The following DPYS variants were observed in gnomAD, a reference collection of about 807,000 sequenced individuals.
DPYS encodes the protein dihydropyrimidinase.
Under a neutral mutation model 50.3 loss-of-function variants are expected in DPYS, and 39 were observed. The observed-to-expected ratio is 0.78, with a 90% CI of 0.60 to 1.01. DPYS has a LOEUF of 1.01. DPYS is among the 50% of genes least tolerant of loss of function. The pLI, the probability that DPYS is intolerant of heterozygous loss-of-function variation, is 0.00. For missense variants in DPYS, 659 were observed against 680.9 expected (o/e 0.97, Z 0.36); for synonymous variants, 245 against 250.7 (o/e 0.98, Z 0.22).
intron 6 of DPYS, 54 bp from the exon 7 acceptor site, chr8:104,424,443 A>T: frequency 1.3e-6 from 2 of 1,577,210 alleles, no homozygotes; most frequent in Non-Finnish European, 1.7e-6. Context: ...AAAGTATCCT[A>T]TCGATAAAAT....
intron 3 of DPYS, among the ~76,000 whole-genome samples, chr8:104,445,699 A>T (rs1045717025): frequency 6.6e-6 from 1 of 152,174 alleles, no homozygotes; most frequent in Non-Finnish European, 1.5e-5. Context: ...AAAAAAAGAA[A>T]GAATGAATAA....
intron 8 of DPYS, among the ~76,000 whole-genome samples, chr8:104,388,723 T>C (rs1231624054): frequency 2.0e-5 from 3 of 152,214 alleles, no homozygotes; most frequent in Non-Finnish European, 4.4e-5. Context: ...GGATCAGCTG[T>C]CTACATTTTA....
At chr8:104,405,030 A>G (rs189293202) in intron 7 of DPYS, among the ~76,000 whole-genome samples, 3 of 152,320 alleles carry the variant, frequency 2.0e-5, no homozygotes. Context: ...GCCACAAATA[A>G]GAAAAAAAAA....
intron 1 of DPYS, 42 bp downstream of exon 1, chr8:104,466,615 C>T: frequency 2.0e-6 from 3 of 1,489,374 alleles, no homozygotes; most frequent in East Asian, 2.7e-5. Flanking sequence ...CTGCCCGAGC[C>T]TCCGTGGGTA....
intron 1 of DPYS, among the ~76,000 whole-genome samples, chr8:104,463,009 A>ACAACAGAC: frequency 6.6e-6 from 1 of 152,236 alleles, no homozygotes; most frequent in South Asian, 2.1e-4. Context: ...TAGTTAATGT[A>ACAACAGAC]TATTCATTTT....
At chr8:104,463,093 G>C (rs890075502) in intron 1 of DPYS, among the ~76,000 whole-genome samples, 1 of 152,110 alleles carries the variant, frequency 6.6e-6, no homozygotes, top group South Asian at 2.1e-4. Flanking sequence ...GTATTTGTCA[G>C]GTATTATAAA....
chr8:104,383,098 C>A (rs1278024132), intron 8 of DPYS, among the ~76,000 whole-genome samples: 2 of 152,322 alleles, frequency 1.3e-5, no homozygotes, highest in East Asian at 3.9e-4. Context: ...ACAGGGCTTG[C>A]TCTACAGCCT....
chr8:104,449,161 G>A (rs1450740578), intron 2 of DPYS, among the ~76,000 whole-genome samples: 1 of 152,190 alleles, frequency 6.6e-6, no homozygotes, highest in Non-Finnish European at 1.5e-5. Context: ...ACATGGGACA[G>A]TGCACCTCAT....
intron 4 of DPYS, among the ~76,000 whole-genome samples, chr8:104,441,242 A>G (rs1423733394): frequency 6.6e-6 from 1 of 152,178 alleles, no homozygotes; most frequent in African/African-American, 2.4e-5. Context: ...TAAATATTTC[A>G]TGTTTACAAT....
intron 3 of DPYS, 39 bp from the exon 4 acceptor site, chr8:104,444,476 G>C (rs1275489752): frequency 6.2e-7 from 1 of 1,608,158 alleles, no homozygotes; most frequent in Non-Finnish European, 8.5e-7. Context: ...TGCAAGGAAG[G>C]TTTACTAATG....
At chr8:104,402,443 T>C (rs1244991869) in intron 7 of DPYS, among the ~76,000 whole-genome samples, 1 of 152,168 alleles carries the variant, frequency 6.6e-6, no homozygotes, top group Non-Finnish European at 1.5e-5. Flanking sequence ...TAAGTACTTA[T>C]AGGTAAGGTA....
intron 7 of DPYS, among the ~76,000 whole-genome samples, chr8:104,393,711 C>T (rs1811481652): frequency 6.6e-6 from 1 of 152,144 alleles, no homozygotes; most frequent in Non-Finnish European, 1.5e-5. Context: ...TTTGAAAATG[C>T]TACATGCCTC....
intron 6 of DPYS, 45 bp from the exon 7 acceptor site, chr8:104,424,434 A>C: frequency 1.3e-6 from 2 of 1,595,892 alleles, no homozygotes; most frequent in Non-Finnish European, 1.7e-6. Context: ...AAATACTAAA[A>C]AGTATCCTAT....
At chr8:104,395,848 CAA>C (rs3039791) in intron 7 of DPYS, among the ~76,000 whole-genome samples, 98,917 of 148,132 alleles carry the variant, frequency 0.67, 34,161 homozygotes, top group Middle Eastern at 0.83. Context: ...TATGCTGCAG[CAA>C]AAAAAAAAAA....
intron 3 of DPYS, among the ~76,000 whole-genome samples, chr8:104,446,072 A>C (rs1007616532): frequency 1.3e-5 from 2 of 152,110 alleles, no homozygotes; most frequent in African/African-American, 4.8e-5. Flanking sequence ...ACAACAAATA[A>C]AAAATAATTG....
At chr8:104,444,551 G>GGT (rs1383099797) in intron 3 of DPYS, 114 bp from the exon 4 acceptor site, 20 of 1,134,436 alleles carry the variant, frequency 1.8e-5, no homozygotes, top group Admixed American at 6.0e-5. Flanking sequence ...TAGGTATAGG[G>GGT]GTGTGTGTGT....
intron 9 of DPYS, chr8:104,380,412 A>G (rs1810993550): frequency 6.6e-6 from 1 of 152,568 alleles, no homozygotes; most frequent in Non-Finnish European, 1.5e-5. Context: ...AAAAAAAATT[A>G]AGAGCCTAGC....
intron 7 of DPYS, among the ~76,000 whole-genome samples, chr8:104,423,747 T>A (rs1008241058): frequency 1.3e-5 from 2 of 152,118 alleles, no homozygotes; most frequent in African/African-American, 2.4e-5. Context: ...CATAGAATTA[T>A]GGAAATTGGA....
In DPYS at chr8:104,442,133, A is replaced by G. The variant is rs996242115; in HGVS notation, c.793+2115T>C. On this transcript the variant is annotated intron_variant, in intron 4 of 9. Transcript: ENST00000351513. ...AAAACTTCATTGAACATTTTTATAT[A>G]TAATTTTGACTCTTGGGCCATGTAA... Among the ~76,000 whole-genome samples the G allele has an allele frequency of 2.9e-4, 44 of 152,228 alleles. 1 individual carries two copies. Among genetic ancestry groups the G allele is most frequent in the African/African-American group, 1.0e-3 (43 of 41,460 alleles).
Sources: gnomAD v4.1 joint callset for allele counts (sites outside exome capture counted in the v4.1 genomes callset) on GRCh38, gnomAD v4.1.1 for gene constraint, MANE v1.5 for transcripts, NCBI Gene and HGNC (gene_info 2026-07-23, HGNC 2026-07-21) for gene names.